Variants in TRAPPC9 observed in about 807,000 individuals in gnomAD.
TRAPPC9 encodes the protein IKK2 binding protein.
A neutral mutation model predicts 124.0 loss-of-function variants in TRAPPC9; 83 were observed. The ratio of observed to expected loss-of-function variants is 0.67; its 90% CI spans 0.56 to 0.80. The LOEUF (loss-of-function observed/expected upper bound fraction) is 0.80. Among genes scored for constraint, TRAPPC9 ranks in the 30% least tolerant of loss-of-function variants. The pLI, the probability that TRAPPC9 is intolerant of heterozygous loss-of-function variation, is 0.00. For synonymous variants in TRAPPC9, 638 were observed against 617.5 expected, an observed-to-expected ratio of 1.03 and a Z score of -0.49; for missense variants, 1,302 against 1,508.3, an observed-to-expected ratio of 0.86 and a Z score of 2.27.
chr8:139,834,240 G>C (rs1376298299), intron 21 of TRAPPC9, among the ~76,000 whole-genome samples: 1 of 152,210 alleles, frequency 6.6e-6, no homozygotes, highest in Non-Finnish European at 1.5e-5. Context: ...GGCCAGGCAA[G>C]AACGTCAGTC....
intron 17 of TRAPPC9, among the ~76,000 whole-genome samples, chr8:140,219,487 A>G (rs2063282356): frequency 6.6e-6 from 1 of 152,100 alleles, no homozygotes; most frequent in South Asian, 2.1e-4. Flanking sequence ...CCTCACGGAG[A>G]GTTAATTCAT....
intron 17 of TRAPPC9, among the ~76,000 whole-genome samples, chr8:140,038,747 C>T (rs73357193): frequency 0.092 from 13,972 of 152,204 alleles, 1,109 homozygotes; most frequent in African/African-American, 0.21. Context: ...GAGGTCTCGA[C>T]AGGAAACCAG....
intron 11 of TRAPPC9, among the ~76,000 whole-genome samples, chr8:140,298,913 G>A (rs1265340166): frequency 1.3e-5 from 2 of 152,212 alleles, no homozygotes; most frequent in Non-Finnish European, 1.5e-5. Flanking sequence ...GCTGCACACA[G>A]CCTGACAGAA....
chr8:140,021,973 G>A (rs1839858797), intron 18 of TRAPPC9, among the ~76,000 whole-genome samples: 1 of 152,236 alleles, frequency 6.6e-6, no homozygotes, highest in Non-Finnish European at 1.5e-5. Flanking sequence ...CAATGGCGAG[G>A]AGCAAAGCGC....
Position 140,242,101 on chromosome 8 carries a change from C to T in TRAPPC9, c.2431+10676G>A, listed in dbSNP as rs143621923. The stretch of plus-strand genomic sequence containing the variant: ...AGGGCATTTCACAAAGGCCAGGGTA[C>T]GGCATGCAAGGGCCCAGCAACACGA... On this transcript the variant is annotated intron_variant, in intron 16 of 22. Coordinates refer to ENST00000438773, the MANE Select transcript of TRAPPC9 (RefSeq NM_001160372.4). 1.0e-3 allele frequency among the ~76,000 whole-genome samples: 154 copies of T among 151,556 alleles called. 1 individual carries two copies. The highest frequency in any genetic ancestry group is 5.5e-3 in the East Asian group (28 of 5,088).
At chr8:140,142,504 C>T (rs1056255623) in intron 17 of TRAPPC9, among the ~76,000 whole-genome samples, 1 of 152,192 alleles carries the variant, frequency 6.6e-6, no homozygotes, top group East Asian at 1.9e-4. Context: ...GAAGGCTGCT[C>T]CTGCAGTGGC....
At chr8:139,781,681 T>A (rs1465773875) in intron 21 of TRAPPC9, among the ~76,000 whole-genome samples, 1 of 152,164 alleles carries the variant, frequency 6.6e-6, no homozygotes, top group Non-Finnish European at 1.5e-5. Context: ...ACCACTCTAG[T>A]GTGGGATGTT....
At chr8:140,000,113 C>G (rs544963675) in intron 18 of TRAPPC9, among the ~76,000 whole-genome samples, 38 of 152,232 alleles carry the variant, frequency 2.5e-4, no homozygotes, top group African/African-American at 4.3e-4. Context: ...ACAAACCTGA[C>G]AAAAACAAGC....
At chr8:140,219,348 C>T (rs1013363956) in intron 17 of TRAPPC9, among the ~76,000 whole-genome samples, 1 of 152,216 alleles carries the variant, frequency 6.6e-6, no homozygotes, top group Non-Finnish European at 1.5e-5. Flanking sequence ...AGAGCTCCGT[C>T]GATAGCCGCT....
At chr8:140,134,710 C>G (rs1053544083) in intron 17 of TRAPPC9, among the ~76,000 whole-genome samples, 2 of 152,144 alleles carry the variant, frequency 1.3e-5, no homozygotes, top group African/African-American at 2.4e-5. Context: ...GTATCAGTTT[C>G]CTAAATGTAA....
intron 9 of TRAPPC9, among the ~76,000 whole-genome samples, chr8:140,338,267 A>G (rs1468809756): frequency 6.6e-6 from 1 of 152,166 alleles, no homozygotes; most frequent in Non-Finnish European, 1.5e-5. Context: ...ACAAATATGG[A>G]CCAGTGGGCA....
In TRAPPC9 at chr8:139,770,392, G is replaced by A. The variant is rs141071410; in HGVS notation, c.3056-38190C>T. 2.8e-3 allele frequency among the ~76,000 whole-genome samples: 422 copies of A among 152,344 alleles called. 2 individuals are homozygous for A. Among genetic ancestry groups the A allele is most frequent in the Non-Finnish European group, 4.8e-3 (328 of 68,040 alleles). ...TCCATGTTTTGCTCCTTTGCAGAGC[G>A]GGGAAGGCTTTGGTGTCTGAGGCTT... On this transcript the variant is annotated intron_variant, in intron 21 of 22. Coordinates refer to ENST00000438773, the MANE Select transcript of TRAPPC9 (RefSeq NM_001160372.4).
Position 140,450,858 on chromosome 8 carries a change from C to A in TRAPPC9, c.516G>T (p.Gly172=). The part of the protein sequence containing the change: ...KRLDRATDKS[G]DKIPLLCVPF... ...GGACACAGAGAAGGGGGATCTTATCCCCAGACTTGTCTGTGGCTCTGTCCA... is the reference window on the plus strand; with the variant it reads ...GGACACAGAGAAGGGGGATCTTATCACCAGACTTGTCTGTGGCTCTGTCCA... Residue 172 remains glycine (G), a synonymous_variant, in exon 2 of 23, where the codon GGG becomes GGT. Transcript: ENST00000438773. 6.2e-7 allele frequency: 1 copy of A among 1,613,928 alleles called. No individual in the cohort carries two copies. The highest frequency in any genetic ancestry group is 1.3e-5 in the African/African-American group (1 of 75,040).
At chr8:140,167,398 C>T (rs775600718) in intron 17 of TRAPPC9, among the ~76,000 whole-genome samples, 15 of 152,124 alleles carry the variant, frequency 9.9e-5, no homozygotes, top group East Asian at 3.9e-4. Context: ...ACACACCACA[C>T]GCCAAAAGCA....
At chr8:140,456,390 C>A (rs1475585254) in intron 1 of TRAPPC9, among the ~76,000 whole-genome samples, 6 of 145,994 alleles carry the variant, frequency 4.1e-5, no homozygotes, top group East Asian at 2.0e-4. Flanking sequence ...CCAGCCCAGG[C>A]GACAGTGCGA....
intron 16 of TRAPPC9, among the ~76,000 whole-genome samples, chr8:140,232,845 G>A (rs1045828121): frequency 2.0e-5 from 3 of 152,218 alleles, no homozygotes; most frequent in Non-Finnish European, 4.4e-5. Flanking sequence ...CCAGAACACT[G>A]TCAGTTTGAG....
intron 9 of TRAPPC9, among the ~76,000 whole-genome samples, chr8:140,357,196 G>A (rs1351748839): frequency 1.3e-5 from 2 of 152,194 alleles, no homozygotes; most frequent in Non-Finnish European, 2.9e-5. Context: ...AGGGACTTGT[G>A]AAGGCTTTCA....
chr8:140,183,862 AAAGAAG>A (rs1173930930), intron 17 of TRAPPC9, among the ~76,000 whole-genome samples: 2,643 of 30,234 alleles, frequency 0.087, 307 homozygotes, highest in East Asian at 0.17. Context: ...CAAAAAAAAA[AAAGAAG>A]AAGAAGAAGA....
At chr8:140,191,494 G>A (rs941721188) in intron 17 of TRAPPC9, among the ~76,000 whole-genome samples, 11 of 152,144 alleles carry the variant, frequency 7.2e-5, no homozygotes, top group East Asian at 3.8e-4. Context: ...GTGAGTTCAC[G>A]TGAGATCTAG....
Sources: allele counts gnomAD v4.1 joint callset (sites outside exome capture counted in the v4.1 genomes callset), GRCh38; gene constraint gnomAD v4.1.1; transcripts MANE v1.5; gene names NCBI Gene and HGNC (gene_info 2026-07-23, HGNC 2026-07-21).